Variants in AGBL4 observed in about 807,000 individuals in gnomAD.
AGBL4 encodes cytosolic carboxypeptidase 6.
A neutral mutation model predicts 66.4 loss-of-function variants in AGBL4; 58 were observed. The ratio of observed to expected loss-of-function variants is 0.87; its 90% CI spans 0.71 to 1.09. The LOEUF is 1.09. Among genes scored for constraint, AGBL4 ranks in the 50% least tolerant of loss-of-function variants. The pLI, the probability that AGBL4 is intolerant of heterozygous loss-of-function variation, is 0.00. For synonymous variants in AGBL4, 234 were observed against 222.9 expected (o/e 1.05, Z -0.44); for missense variants, 579 against 631.0 (o/e 0.92, Z 0.88).
At chr1:48,745,723 AT>A (rs1650631682) in intron 6 of AGBL4, among the ~76,000 whole-genome samples, 1 of 152,072 alleles carries the variant, frequency 6.6e-6, no homozygotes, top group South Asian at 2.1e-4. Context: ...CTAGTAAATA[AT>A]TATCTCTAGC....
chr1:49,702,820 C>CATTATTAAA (rs1198549841), intron 2 of AGBL4, among the ~76,000 whole-genome samples: 1 of 151,966 alleles, frequency 6.6e-6, no homozygotes, highest in Non-Finnish European at 1.5e-5. Context: ...CAATATAACA[C>CATTATTAAA]ATTATTAAAA....
intron 2 of AGBL4, among the ~76,000 whole-genome samples, chr1:49,712,076 A>C (rs1233847468): frequency 6.6e-6 from 1 of 151,988 alleles, no homozygotes; most frequent in Non-Finnish European, 1.5e-5. Context: ...AGTATTTGTC[A>C]AATAGTAAAT....
the AGBL4 span, among the ~76,000 whole-genome samples, chr1:48,523,675 A>G: frequency 6.6e-6 from 1 of 152,160 alleles, no homozygotes; most frequent in African/African-American, 2.4e-5. Context: ...TTTGCTTTTC[A>G]GTAAAGGCAA....
chr1:49,610,812 A>G lies in AGBL4; in HGVS notation c.282+86501T>C, dbSNP rs1479285779. Among the ~76,000 whole-genome samples, 3 of 152,236 alleles carry G rather than the reference A, an allele frequency of 2.0e-5. No individual in the cohort carries two copies. In the East Asian group the frequency reaches 5.8e-4, roughly 29 times the overall value. On this transcript the variant is annotated intron_variant, in intron 3 of 13. Coordinates refer to ENST00000371839, the MANE Select transcript of AGBL4 (RefSeq NM_032785.4). The stretch of plus-strand genomic sequence containing the variant: ...GACCCAGTCTAAGATATTTTGTTAT[A>G]GTAGCAGGAATTGACTAAGATACAA...
intron 3 of AGBL4, among the ~76,000 whole-genome samples, chr1:49,439,915 C>G (rs535397242): frequency 6.6e-6 from 1 of 152,268 alleles, no homozygotes; most frequent in African/African-American, 2.4e-5. Flanking sequence ...CCTATTAGTT[C>G]TGTCCCTCTA....
chr1:49,154,527 T>C (rs553150436), intron 4 of AGBL4, among the ~76,000 whole-genome samples: 15 of 152,144 alleles, frequency 9.9e-5, no homozygotes, highest in Non-Finnish European at 2.1e-4. Context: ...AAGTCTAGAA[T>C]AGCATTGTCT....
intron 3 of AGBL4, among the ~76,000 whole-genome samples, chr1:49,434,668 G>T (rs1305327180): frequency 6.6e-6 from 1 of 151,616 alleles, no homozygotes; most frequent in African/African-American, 2.4e-5. Context: ...TGGTGGTGGT[G>T]GTGGTAGTGG....
chr1:49,397,598 T>TA (rs924596435), intron 3 of AGBL4, among the ~76,000 whole-genome samples: 2 of 152,166 alleles, frequency 1.3e-5, no homozygotes, highest in South Asian at 2.1e-4. Context: ...AGTATTTAGG[T>TA]AAAAAACAAA....
intron 2 of AGBL4, among the ~76,000 whole-genome samples, chr1:49,730,955 T>C (rs1649397714): frequency 6.6e-6 from 1 of 152,194 alleles, no homozygotes; most frequent in Admixed American, 6.5e-5. Flanking sequence ...TCCAGAGCCA[T>C]TCTCTGCATT....
At chr1:49,604,012 A>G (rs2124184750) in intron 3 of AGBL4, among the ~76,000 whole-genome samples, 1 of 151,528 alleles carries the variant, frequency 6.6e-6, no homozygotes, top group Non-Finnish European at 1.5e-5. Context: ...TATATTTGCA[A>G]CGGTGAATTG....
At chr1:48,540,766 C>T (rs951351164) in intron 11 of AGBL4, among the ~76,000 whole-genome samples, 1 of 152,128 alleles carries the variant, frequency 6.6e-6, no homozygotes, top group African/African-American at 2.4e-5. Flanking sequence ...AAGACACCTC[C>T]CATATCTTGA....
chr1:49,044,382 G>C (rs1203951655), intron 5 of AGBL4, among the ~76,000 whole-genome samples: 1 of 151,906 alleles, frequency 6.6e-6, no homozygotes, highest in Non-Finnish European at 1.5e-5. Flanking sequence ...CCAGCTACTC[G>C]GGAGGCTGAG....
chr1:48,657,834 A>G (rs1646044938), intron 7 of AGBL4, among the ~76,000 whole-genome samples: 1 of 152,206 alleles, frequency 6.6e-6, no homozygotes, highest in Non-Finnish European at 1.5e-5. Context: ...TTATAGAAAA[A>G]TAAGAAAGTT....
At chr1:49,117,005 T>C (rs1476382177) in intron 4 of AGBL4, among the ~76,000 whole-genome samples, 1 of 152,188 alleles carries the variant, frequency 6.6e-6, no homozygotes, top group African/African-American at 2.4e-5. Context: ...GTCTGTTGTC[T>C]GCATAAATGT....
intron 4 of AGBL4, among the ~76,000 whole-genome samples, chr1:49,090,047 T>C (rs1046007622): frequency 1.3e-5 from 2 of 152,164 alleles, no homozygotes; most frequent in Non-Finnish European, 2.9e-5. Flanking sequence ...CATGGCTTCA[T>C]GTTAAAAATC....
intron 3 of AGBL4, among the ~76,000 whole-genome samples, chr1:49,483,568 A>G: frequency 6.6e-6 from 1 of 151,854 alleles, no homozygotes; most frequent in Non-Finnish European, 1.5e-5. Flanking sequence ...AGAAAATTAA[A>G]CCCCTATCTC....
chr1:49,095,568 G>T (rs1645081518), intron 4 of AGBL4, among the ~76,000 whole-genome samples: 1 of 152,120 alleles, frequency 6.6e-6, no homozygotes, highest in African/African-American at 2.4e-5. Flanking sequence ...TGACAAACCT[G>T]ACAAAAACAA....
intron 8 of AGBL4, among the ~76,000 whole-genome samples, chr1:48,636,749 C>T (rs968453729): frequency 7.9e-5 from 12 of 152,204 alleles, no homozygotes; most frequent in African/African-American, 2.7e-4. Context: ...CATCTGAAAC[C>T]TGCTCAGGGT....
chr1:48,522,576 G>A, the AGBL4 span, among the ~76,000 whole-genome samples: 1 of 152,144 alleles, frequency 6.6e-6, no homozygotes, highest in Non-Finnish European at 1.5e-5. Flanking sequence ...TGTGCTCCAT[G>A]GTGCCTACTG....
Sources: allele counts gnomAD v4.1 joint callset (sites outside exome capture counted in the v4.1 genomes callset), GRCh38; gene constraint gnomAD v4.1.1; transcripts MANE v1.5; gene names NCBI Gene and HGNC (gene_info 2026-07-23, HGNC 2026-07-21).